The following THSD7B variants were observed in gnomAD, a reference collection of about 807,000 sequenced individuals.
THSD7B encodes the protein thrombospondin type-1 domain-containing protein 7B.
THSD7B carries 138 observed loss-of-function variants against 213.6 expected under a neutral mutation model. That is an observed-to-expected ratio of 0.65 (90% CI 0.56 to 0.74). The LOEUF is 0.74. Ranked by LOEUF, THSD7B falls within the 30% of genes least tolerant of loss-of-function variation. THSD7B has a pLI of 0.00. For missense variants in THSD7B, 1,931 were observed against 1,991.5 expected (o/e 0.97, Z 0.58); for synonymous variants, 742 against 687.0 (o/e 1.08, Z -1.25).
At chr2:137,396,114 G>C (rs1179787468) in intron 12 of THSD7B, among the ~76,000 whole-genome samples, 11 of 148,086 alleles carry the variant, frequency 7.4e-5, no homozygotes, top group Non-Finnish European at 1.7e-4. Flanking sequence ...CAAAAAACCA[G>C]CTCCTGGATT....
intron 2 of THSD7B, among the ~76,000 whole-genome samples, chr2:136,949,091 A>G (rs1210223353): frequency 6.6e-6 from 1 of 152,142 alleles, no homozygotes; most frequent in East Asian, 1.9e-4. Flanking sequence ...CTTAGTTTGA[A>G]TGGCCTTTTG....
intron 7 of THSD7B, among the ~76,000 whole-genome samples, chr2:137,190,971 A>AGACGCG (rs1680645635): frequency 6.6e-6 from 1 of 152,172 alleles, no homozygotes; most frequent in Admixed American, 6.5e-5. Context: ...CAGGACTGAG[A>AGACGCG]GACGCTGCAA....
At chr2:137,456,066 T>A (rs1018244519) in intron 15 of THSD7B, among the ~76,000 whole-genome samples, 11 of 152,202 alleles carry the variant, frequency 7.2e-5, no homozygotes, top group Non-Finnish European at 1.6e-4. Context: ...ACTATTTAAA[T>A]GCATTTTGAA....
At chr2:136,983,840 C>T (rs1177050167) in intron 2 of THSD7B, among the ~76,000 whole-genome samples, 2 of 152,116 alleles carry the variant, frequency 1.3e-5, no homozygotes, top group Non-Finnish European at 2.9e-5. Flanking sequence ...GTTTGCTAAC[C>T]TGGACTTCAT....
chr2:136,968,527 A>G (rs565040808), intron 2 of THSD7B, among the ~76,000 whole-genome samples: 12 of 152,148 alleles, frequency 7.9e-5, no homozygotes, highest in Admixed American at 2.6e-4. Flanking sequence ...TGCACTGGTT[A>G]TATATGATGC....
chr2:137,214,060 C>T (rs1247733961), intron 7 of THSD7B, among the ~76,000 whole-genome samples: 1 of 151,936 alleles, frequency 6.6e-6, no homozygotes, highest in Non-Finnish European at 1.5e-5. Context: ...ATTTTTCATG[C>T]CAGTGTGTTT....
chr2:136,935,660 G>T (rs1684712785), intron 2 of THSD7B, among the ~76,000 whole-genome samples: 1 of 151,980 alleles, frequency 6.6e-6, no homozygotes, highest in Admixed American at 6.6e-5. Context: ...CATTTCTCCA[G>T]TATGAAGATG....
At position 136,794,191 on chromosome 2, in the gene THSD7B, A is replaced by G. The variant is rs553706990; in HGVS notation, c.-36+28504A>G. 1.2e-4 allele frequency among the ~76,000 whole-genome samples: 18 copies of G among 151,332 alleles called. 1 individual carries two copies. The South Asian group carries it at 3.7e-3, about 32-fold the overall frequency. ...AAAGTCTGACTATATTGAATTCTGT[A>G]TATCTGCTTTCTGTGTCATTAATTT... On this transcript the variant is annotated intron_variant, in intron 1 of 27. Coordinates refer to ENST00000409968, the MANE Select transcript of THSD7B (RefSeq NM_001316349.2).
At chr2:137,623,203 T>C (rs1321013428) in intron 20 of THSD7B, among the ~76,000 whole-genome samples, 1 of 152,174 alleles carries the variant, frequency 6.6e-6, no homozygotes, top group African/African-American at 2.4e-5. Context: ...TAATTCATCA[T>C]ATAAATAGAA....
chr2:137,624,991 T>G (rs999109963), intron 20 of THSD7B, among the ~76,000 whole-genome samples: 1 of 152,076 alleles, frequency 6.6e-6, no homozygotes, highest in Non-Finnish European at 1.5e-5. Flanking sequence ...ACCCAAAGGA[T>G]TATAAATCAT....
intron 1 of THSD7B, among the ~76,000 whole-genome samples, chr2:136,835,057 G>T (rs1459729234): frequency 6.6e-6 from 1 of 152,128 alleles, no homozygotes; most frequent in Non-Finnish European, 1.5e-5. Context: ...CTGAGACTTA[G>T]ATTTGCCTCC....
At chr2:137,008,231 A>G (rs1305937158) in intron 2 of THSD7B, among the ~76,000 whole-genome samples, 5 of 152,196 alleles carry the variant, frequency 3.3e-5, no homozygotes, top group Non-Finnish European at 7.3e-5. Flanking sequence ...GCATTGTTAA[A>G]TGGTATAATG....
chr2:137,585,403 G>T (rs532534805), intron 17 of THSD7B, among the ~76,000 whole-genome samples: 3 of 152,108 alleles, frequency 2.0e-5, no homozygotes, highest in South Asian at 4.2e-4. Flanking sequence ...GTTTGCTGTT[G>T]CTTCTCTAGT....
intron 1 of THSD7B, among the ~76,000 whole-genome samples, chr2:136,769,032 C>T (rs1376406926): frequency 1.3e-5 from 2 of 152,200 alleles, no homozygotes; most frequent in Non-Finnish European, 2.9e-5. Flanking sequence ...TCTAAAATCA[C>T]AGGCACCTGT....
At chr2:137,423,198 G>GA (rs1405225418) in intron 14 of THSD7B, among the ~76,000 whole-genome samples, 1 of 151,916 alleles carries the variant, frequency 6.6e-6, no homozygotes, top group African/African-American at 2.4e-5. Flanking sequence ...CTTGATTAAA[G>GA]AAAAAATAGT....
chr2:137,646,861 G>A (rs1314074154), intron 21 of THSD7B, among the ~76,000 whole-genome samples: 1 of 152,084 alleles, frequency 6.6e-6, no homozygotes, highest in Non-Finnish European at 1.5e-5. Flanking sequence ...AAAAGAGGGT[G>A]CAGTGTCCCT....
At chr2:137,533,494 G>A (rs1192300888) in intron 15 of THSD7B, among the ~76,000 whole-genome samples, 3 of 151,830 alleles carry the variant, frequency 2.0e-5, no homozygotes, top group Admixed American at 6.6e-5. Flanking sequence ...TTAGCAAGAA[G>A]GTAGCAAAAT....
At chr2:137,251,484 A>G (rs1682176720) in intron 10 of THSD7B, among the ~76,000 whole-genome samples, 1 of 152,228 alleles carries the variant, frequency 6.6e-6, no homozygotes, top group Non-Finnish European at 1.5e-5. Flanking sequence ...CTCGTGCTTC[A>G]AAGTCACCAA....
At chr2:137,168,648 G>A (rs1273857961) in intron 6 of THSD7B, among the ~76,000 whole-genome samples, 1 of 152,106 alleles carries the variant, frequency 6.6e-6, no homozygotes, top group Non-Finnish European at 1.5e-5. Flanking sequence ...CCAAATAATA[G>A]GACACCCAGA....
Sources: gnomAD v4.1 joint callset for allele counts (sites outside exome capture counted in the v4.1 genomes callset) on GRCh38, gnomAD v4.1.1 for gene constraint, MANE v1.5 for transcripts, NCBI Gene and HGNC (gene_info 2026-07-23, HGNC 2026-07-21) for gene names.